The following GRB10 variants were observed in gnomAD, a reference collection of about 807,000 sequenced individuals.
GRB10 encodes the protein growth factor receptor-bound protein 10.
Under a neutral mutation model 80.9 loss-of-function variants are expected in GRB10, and 20 were observed. That is an observed-to-expected ratio of 0.25 (90% CI 0.17 to 0.36). The LOEUF (loss-of-function observed/expected upper bound fraction) is 0.36, where lower values mean the gene tolerates loss of function less well. Ranked by LOEUF, GRB10 falls within the 10% of genes least tolerant of loss-of-function variation. The pLI, the probability that GRB10 is intolerant of heterozygous loss-of-function variation, is 1.00. For synonymous variants in GRB10, 291 were observed against 291.5 expected (o/e 1.00, Z 0.02); for missense variants, 548 against 747.7 (o/e 0.73, Z 3.12).
At chr7:50,747,529 C>G (rs2073176868) in intron 3 of GRB10, 1 of 152,196 alleles carries the variant, frequency 6.6e-6, no homozygotes, top group African/African-American at 2.4e-5. Flanking sequence ...TTTTCTCCCT[C>G]CACCCCGCTT....
chr7:50,742,271 G>GCGCGCACA (rs1189043181), intron 3 of GRB10, among the ~76,000 whole-genome samples: 1 of 46,866 alleles, frequency 2.1e-5, no homozygotes, highest in Non-Finnish European at 5.1e-5. Context: ...ACGCGCGCGC[G>GCGCGCACA]CACACACACA....
At chr7:50,623,192 T>C (rs1284482124) in intron 8 of GRB10, among the ~76,000 whole-genome samples, 2 of 151,942 alleles carry the variant, frequency 1.3e-5, no homozygotes, top group Non-Finnish European at 2.9e-5. Context: ...AGGGACAGTG[T>C]TTTCATGGCT....
At chr7:50,705,263 T>TA (rs1269135571) in intron 4 of GRB10, 22 of 985,612 alleles carry the variant, frequency 2.2e-5, no homozygotes, top group Non-Finnish European at 2.7e-5. Context: ...ATCTACCACT[T>TA]AGAAGGAGGA....
At chr7:50,687,982 GAA>G (rs2062313449) in intron 5 of GRB10, among the ~76,000 whole-genome samples, 2 of 152,334 alleles carry the variant, frequency 1.3e-5, no homozygotes, top group South Asian at 4.1e-4. Flanking sequence ...GTATGCTGGT[GAA>G]AAAGAGTGGT....
chr7:50,675,380 C>T (rs55967814), intron 5 of GRB10, among the ~76,000 whole-genome samples: 3,160 of 152,334 alleles, frequency 0.021, 58 homozygotes, highest in Non-Finnish European at 0.032. Context: ...GGAATGAGCA[C>T]GCAGAGACAG....
intron 13 of GRB10, chr7:50,606,752 G>C: frequency 3.0e-6 from 1 of 329,516 alleles, no homozygotes; most frequent in East Asian, 7.5e-5. Flanking sequence ...GGAAGCTAGA[G>C]AAAAAAATGT....
At chr7:50,602,906 G>A (rs1426203568) in intron 17 of GRB10, among the ~76,000 whole-genome samples, 2 of 152,088 alleles carry the variant, frequency 1.3e-5, no homozygotes, top group African/African-American at 2.4e-5. Context: ...AAATAGAAGA[G>A]GAGGAAGAGG....
At chr7:50,783,659 AAGC>A (rs2078544538), upstream of GRB10, among the ~76,000 whole-genome samples, 1 of 152,220 alleles carries the variant, frequency 6.6e-6, no homozygotes, top group African/African-American at 2.4e-5. Flanking sequence ...AGTAAGCAGT[AAGC>A]AGATTTTCTA....
At chr7:50,595,606 C>CACACAT in intron 17 of GRB10, 76 bp from the exon 18 acceptor site, 1 of 569,512 alleles carries the variant, frequency 1.8e-6, no homozygotes, top group Middle Eastern at 3.1e-4. Flanking sequence ...CTCTCTTACA[C>CACACAT]ACACACACAC....
At position 50,792,515 on chromosome 7, in the gene GRB10, A is replaced by G. The variant is rs376187587; in HGVS notation, c.-294+709T>C. ...TTGGAGAGGCAATCAGCAAAGGCGA[A>G]GAGTTGCATCAGAAATTTCCTTCTG... is the stretch of plus-strand genomic sequence containing the variant. On this transcript the variant is annotated intron_variant, in intron 1 of 16. Transcript: ENST00000335866. 8.8e-4 allele frequency: 352 copies of G among 398,618 alleles called. 3 individuals carry two copies. The highest frequency in any genetic ancestry group is 6.3e-3 in the Middle Eastern group (10 of 1,588). The allele number at this position is 398,618 out of a possible 1,614,324, so 24.7% of individuals were successfully genotyped here.
chr7:50,606,708 T>C, intron 13 of GRB10: 1 of 428,418 alleles, frequency 2.3e-6, no homozygotes, highest in East Asian at 4.9e-5. Flanking sequence ...TTAACATATA[T>C]TTCGTATATG....
At chr7:50,611,050 T>C (rs1238262621) in intron 13 of GRB10, among the ~76,000 whole-genome samples, 1 of 152,044 alleles carries the variant, frequency 6.6e-6, no homozygotes, top group Non-Finnish European at 1.5e-5. Flanking sequence ...ATTTCAACCA[T>C]ATACAGACAG....
chr7:50,605,231 C>T (rs577445390), intron 15 of GRB10, 59 bp downstream of exon 15: 13 of 1,311,914 alleles, frequency 9.9e-6, no homozygotes, highest in East Asian at 4.6e-5. Flanking sequence ...GAGAAGACCA[C>T]GTGGTGGGGC....
At chr7:50,705,084 C>T (rs1462886570) in intron 4 of GRB10, 2 of 933,882 alleles carry the variant, frequency 2.1e-6, no homozygotes, top group Non-Finnish European at 2.6e-6. Flanking sequence ...CAGAGCCCTC[C>T]TTGCTCACGC....
At chr7:50,784,222 G>A (rs2153714947), upstream of GRB10, among the ~76,000 whole-genome samples, 1 of 152,340 alleles carries the variant, frequency 6.6e-6, no homozygotes, top group South Asian at 2.1e-4. Context: ...GGAAATGGAA[G>A]CACAGAATCA....
chr7:50,651,434 G>T (rs1183326035), intron 7 of GRB10, among the ~76,000 whole-genome samples: 1 of 152,114 alleles, frequency 6.6e-6, no homozygotes, highest in East Asian at 1.9e-4. Context: ...TTCTCGTCCC[G>T]TGTCTATTTG....
At chr7:50,776,356 G>C (rs1025138737) in intron 2 of GRB10, among the ~76,000 whole-genome samples, 1 of 151,370 alleles carries the variant, frequency 6.6e-6, no homozygotes, top group Non-Finnish European at 1.5e-5. Context: ...CTGGGGCTAA[G>C]TGCACACCAC....
chr7:50,591,983 G>A lies in GRB10; in HGVS notation c.*969C>T, dbSNP rs1372248775. ...CGACTCACACCACTGCAGCAGCAGG[G>A]GTAAGGCAGTGATCGTTCTAGAACA... On this transcript the variant is annotated 3_prime_UTR_variant, in exon 19 of 19. Coordinates refer to ENST00000401949, the MANE Select transcript of GRB10 (RefSeq NM_001350814.2). The A allele has an allele frequency of 2.0e-5, 3 of 152,254 alleles. No individual in the cohort carries two copies. Among genetic ancestry groups the A allele is most frequent in the Non-Finnish European group, 4.4e-5 (3 of 68,060 alleles). The allele number at this position is 152,254 out of a possible 1,614,324, so 9.4% of individuals were successfully genotyped here. A position where few individuals can be genotyped will look rare whatever the true frequency, so the allele number is the denominator to read the frequency against.
chr7:50,620,524 C>T (rs1277881220), intron 8 of GRB10, among the ~76,000 whole-genome samples: 1 of 152,196 alleles, frequency 6.6e-6, no homozygotes, highest in African/African-American at 2.4e-5. Flanking sequence ...GATTCGTGCT[C>T]GGCCCCGGTT....
Sources: gnomAD v4.1 joint callset for allele counts (sites outside exome capture counted in the v4.1 genomes callset) on GRCh38, gnomAD v4.1.1 for gene constraint, MANE v1.5 for transcripts, NCBI Gene and HGNC (gene_info 2026-07-23, HGNC 2026-07-21) for gene names.